Variants in EDA observed in about 807,000 individuals in gnomAD.
EDA encodes ectodysplasin A.
In EDA, 2 loss-of-function variants were observed where a neutral mutation model predicts 23.6. The observed-to-expected ratio is 0.08, with a 90% CI of 0.03 to 0.27. The LOEUF (loss-of-function observed/expected upper bound fraction) is 0.27. Among genes scored for constraint, EDA ranks in the 10% least tolerant of loss-of-function variants. The pLI, the probability that EDA is intolerant of heterozygous loss-of-function variation, is 1.00. For synonymous variants in EDA, 131 were observed against 132.0 expected (o/e 0.99, Z 0.05); for missense variants, 229 against 324.2 (o/e 0.71, Z 2.26).
chrX:69,704,952 G>A (rs1422664220), intron 1 of EDA, among the ~76,000 whole-genome samples: 1 of 110,732 alleles, frequency 9.0e-6, no homozygotes, highest in Admixed American at 9.6e-5. Flanking sequence ...CAGGCGTGGT[G>A]GCTCACACCT....
intron 1 of EDA, among the ~76,000 whole-genome samples, chrX:69,673,615 T>G (rs1455672630): frequency 9.0e-6 from 1 of 111,576 alleles, no homozygotes; most frequent in African/African-American, 3.3e-5. Flanking sequence ...AGAAGCAAAG[T>G]TATTGGTGTG....
chrX:69,830,074 T>G (rs1426757542), intron 1 of EDA, among the ~76,000 whole-genome samples: 1 of 111,502 alleles, frequency 9.0e-6, no homozygotes, highest in African/African-American at 3.3e-5. Flanking sequence ...TTCCGGCTCC[T>G]TTTATCCCTA....
chrX:70,015,530 G>A (rs779705952), intron 2 of EDA, among the ~76,000 whole-genome samples: 31 of 111,368 alleles, frequency 2.8e-4, no homozygotes, highest in African/African-American at 8.5e-4. Flanking sequence ...CCGAGATCAC[G>A]CCTTTGCACT....
chrX:69,821,652 A>G (rs1449080145), intron 1 of EDA, among the ~76,000 whole-genome samples: 1 of 111,823 alleles, frequency 8.9e-6, no homozygotes, highest in Non-Finnish European at 1.9e-5. Context: ...CTTGATGTGT[A>G]TGTGTGTGAA....
chrX:69,948,012 C>A (rs1360188465), intron 1 of EDA, among the ~76,000 whole-genome samples: 2 of 111,918 alleles, frequency 1.8e-5, no homozygotes, highest in Non-Finnish European at 3.8e-5. Flanking sequence ...GAGGACAAGT[C>A]CACACTGGTT....
In EDA at chrX:69,616,547, G is replaced by A. The variant is rs1360377205; in HGVS notation, c.239G>A (p.Gly80Asp). The change falls in exon 1 of 8, where the codon GGC becomes GAC. Residue 80 changes from glycine to aspartate, a missense_variant. Transcript: ENST00000374552. The part of the protein sequence containing the change: ...RERGAESRLG[G>D]SGTPGTSGTL... ...CGTGGAGCCGAGTCCCGCCTTGGCG[G>A]CTCGGGCACCCCTGGCACCTCTGGC... The A allele has an allele frequency of 1.7e-6, 2 of 1,211,770 alleles. No individual in the cohort carries two copies. The highest frequency in any genetic ancestry group is 4.3e-5 in the Admixed American group (2 of 46,136).
At chrX:69,930,005 G>A (rs1435441983) in intron 1 of EDA, among the ~76,000 whole-genome samples, 2 of 110,657 alleles carry the variant, frequency 1.8e-5, no homozygotes, top group East Asian at 2.8e-4. Context: ...ACTTCTCTGC[G>A]GCTCCGTAGA....
intron 2 of EDA, among the ~76,000 whole-genome samples, chrX:69,978,664 C>G (rs1018804890): frequency 9.0e-6 from 1 of 111,102 alleles, no homozygotes; most frequent in African/African-American, 3.3e-5. Flanking sequence ...TTCATCACCT[C>G]AAAAAGAAAC....
intron 1 of EDA, among the ~76,000 whole-genome samples, chrX:69,928,137 C>T (rs1172857966): frequency 1.8e-5 from 2 of 110,742 alleles, no homozygotes; most frequent in Admixed American, 9.6e-5. Context: ...CATACTATTC[C>T]GTCTGTCTAG....
intron 1 of EDA, among the ~76,000 whole-genome samples, chrX:69,738,973 A>G (rs1381692964): frequency 1.8e-5 from 2 of 110,965 alleles, no homozygotes; most frequent in East Asian, 2.8e-4. Context: ...CTCTTGTTGG[A>G]TAGAGTGTTA....
chrX:70,023,219 C>A lies in EDA; in HGVS notation c.504C>A (p.Gly168=). Residue 168 remains glycine, a splice_region_variant and synonymous_variant, in exon 3 of 8, where the codon GGC becomes GGA. Transcript: ENST00000374552. ...KRSKSNEGAD[G]PVKNKKKGKK... ...TTATCTATTTTATTTTTCTTATAGG[C>A]CCAGTTAAAAACAAGAAAAAGGGTA... The A allele has an allele frequency of 9.2e-7, 1 of 1,087,837 alleles. No individual in the cohort carries two copies. The highest frequency in any genetic ancestry group is 1.3e-6 in the Non-Finnish European group (1 of 788,123). The allele number at this position is 1,087,837 out of a possible 1,213,427, so 89.6% of individuals were successfully genotyped here. A position where few individuals can be genotyped will look rare whatever the true frequency, so the allele number is the denominator to read the frequency against.
At chrX:69,891,858 C>T (rs762771658) in intron 1 of EDA, among the ~76,000 whole-genome samples, 3 of 110,825 alleles carry the variant, frequency 2.7e-5, no homozygotes, top group Non-Finnish European at 5.7e-5. Flanking sequence ...AGCAAACCAC[C>T]GTGGCACACG....
chrX:69,681,334 C>T (rs1934340730), intron 1 of EDA, among the ~76,000 whole-genome samples: 1 of 108,353 alleles, frequency 9.2e-6, no homozygotes, highest in Non-Finnish European at 1.9e-5. Context: ...ATCTTTGTGG[C>T]GTTCTCTGTA....
chrX:69,717,832 A>T (rs1351544576), intron 1 of EDA, among the ~76,000 whole-genome samples: 2 of 111,653 alleles, frequency 1.8e-5, no homozygotes, highest in Non-Finnish European at 3.8e-5. Flanking sequence ...CTCATGTCAA[A>T]TTGTAATCCC....
At chrX:69,822,360 G>T (rs1386891434) in intron 1 of EDA, among the ~76,000 whole-genome samples, 4 of 111,593 alleles carry the variant, frequency 3.6e-5, no homozygotes, top group South Asian at 7.5e-4. Context: ...TCCAGAGATA[G>T]TGTGATTTTA....
At chrX:69,983,873 T>C (rs1389631711) in intron 2 of EDA, among the ~76,000 whole-genome samples, 1 of 108,917 alleles carries the variant, frequency 9.2e-6, no homozygotes, top group Admixed American at 1.0e-4. Flanking sequence ...GGTTCCATTC[T>C]CCACATCCTC....
chrX:69,689,026 C>T (rs1481612258), intron 1 of EDA, among the ~76,000 whole-genome samples: 1 of 111,139 alleles, frequency 9.0e-6, no homozygotes. Context: ...CTATTGAATT[C>T]TCTCGGCACT....
intron 1 of EDA, among the ~76,000 whole-genome samples, chrX:69,898,364 G>A (rs1251508105): frequency 9.0e-6 from 1 of 111,138 alleles, no homozygotes; most frequent in Non-Finnish European, 1.9e-5. Context: ...TTTGAGGTCA[G>A]GAGTTTGAGA....
intron 1 of EDA, among the ~76,000 whole-genome samples, chrX:69,726,824 C>G (rs913825330): frequency 8.9e-6 from 1 of 112,364 alleles, no homozygotes; most frequent in Non-Finnish European, 1.9e-5. Flanking sequence ...CACGGACAGG[C>G]AGGTGCACAA....
Sources: allele counts gnomAD v4.1 joint callset (sites outside exome capture counted in the v4.1 genomes callset), GRCh38; gene constraint gnomAD v4.1.1; transcripts MANE v1.5; gene names NCBI Gene and HGNC (gene_info 2026-07-23, HGNC 2026-07-21).